The following LPIN2 variants were observed in gnomAD, a reference collection of about 807,000 sequenced individuals.
The protein encoded by LPIN2 is lipin 2, also known as phosphatidate phosphatase LPIN2.
In LPIN2, 55 loss-of-function variants were observed where a neutral mutation model predicts 111.4. The observed-to-expected ratio is 0.49, with a 90% confidence interval of 0.40 to 0.62. The LOEUF is 0.62. LPIN2 is among the 20% of genes least tolerant of loss of function. LPIN2 has a pLI of 0.00. For synonymous variants in LPIN2, 425 were observed against 414.0 expected (o/e 1.03, Z -0.32); for missense variants, 992 against 1,112.1 (o/e 0.89, Z 1.54).
chr18:2,944,332 ACT>A (rs1568548504), intron 4 of LPIN2, among the ~76,000 whole-genome samples: 10 of 106,300 alleles, frequency 9.4e-5, no homozygotes, highest in African/African-American at 1.4e-4. Flanking sequence ...ATTTCCACAA[ACT>A]TTTTTTTTTT....
At chr18:3,005,376 G>GA (rs1204439270) in intron 1 of LPIN2, among the ~76,000 whole-genome samples, 2 of 151,480 alleles carry the variant, frequency 1.3e-5, no homozygotes, top group African/African-American at 2.4e-5. Context: ...AAAAGAAAAA[G>GA]AAAAGAAAAG....
At chr18:2,930,471 C>T (rs910996006) in intron 9 of LPIN2, among the ~76,000 whole-genome samples, 1 of 152,312 alleles carries the variant, frequency 6.6e-6, no homozygotes, top group Non-Finnish European at 1.5e-5. Flanking sequence ...ACTTCAGGAA[C>T]ACATGGTCCT....
At chr18:2,997,037 G>A (rs1356632413) in intron 1 of LPIN2, among the ~76,000 whole-genome samples, 4 of 151,286 alleles carry the variant, frequency 2.6e-5, no homozygotes, top group South Asian at 2.1e-4. Context: ...GCTGGAGTGC[G>A]GTGGCGTGAT....
chr18:2,936,827 A>G (rs762239798), intron 7 of LPIN2, among the ~76,000 whole-genome samples: 2 of 152,234 alleles, frequency 1.3e-5, no homozygotes, highest in Non-Finnish European at 1.5e-5. Flanking sequence ...TGATCTGTCC[A>G]CCTCAGCTTC....
intron 1 of LPIN2, among the ~76,000 whole-genome samples, chr18:2,993,212 GAAGAAGA>G (rs942822770): frequency 6.6e-6 from 1 of 151,220 alleles, no homozygotes; most frequent in Non-Finnish European, 1.5e-5. Flanking sequence ...AAAGAAGAAA[GAAGAAGA>G]AAGAAGAAAG....
At chr18:2,984,945 G>A (rs1051483805) in intron 1 of LPIN2, 1 of 152,626 alleles carries the variant, frequency 6.6e-6, no homozygotes, top group African/African-American at 2.4e-5. Flanking sequence ...GATCCAGCAG[G>A]GCAGAGGTCA....
chr18:2,969,954 G>A (rs530649075), intron 1 of LPIN2, among the ~76,000 whole-genome samples: 2 of 152,102 alleles, frequency 1.3e-5, no homozygotes, highest in Non-Finnish European at 2.9e-5. Context: ...AGAAGTGGAA[G>A]CAATAGATAG....
At chr18:2,921,356 G>A (rs1023431070) in intron 18 of LPIN2, 177 bp downstream of exon 18, 2 of 655,728 alleles carry the variant, frequency 3.1e-6, no homozygotes, top group Non-Finnish European at 5.5e-6. Flanking sequence ...TGCACCTGCA[G>A]GACCTCCCCA....
At chr18:2,956,311 G>GGTGTGTGTGTGTGTGTGTGTGTGTGTGT (rs55844718) in intron 2 of LPIN2, among the ~76,000 whole-genome samples, 1,798 of 143,882 alleles carry the variant, frequency 0.012, 62 homozygotes, top group African/African-American at 0.02. Flanking sequence ...TAGATGCAGG[G>GGTGTGTGTGTGTGTGTGTGTGTGTGTGT]GTGTGTGTGT....
chr18:2,943,458 G>GTT (rs55747910), intron 4 of LPIN2, among the ~76,000 whole-genome samples: 134 of 146,294 alleles, frequency 9.2e-4, no homozygotes, highest in East Asian at 6.1e-3. Flanking sequence ...GTGTGTGTGT[G>GTT]TATAAATCAA....
intron 2 of LPIN2, among the ~76,000 whole-genome samples, chr18:2,957,937 G>A (rs964895041): frequency 3.3e-5 from 5 of 151,502 alleles, no homozygotes; most frequent in Non-Finnish European, 7.4e-5. Context: ...GATTACCTGA[G>A]ATCAGGTAAT....
At chr18:2,953,456 G>T (rs2077566990) in intron 3 of LPIN2, among the ~76,000 whole-genome samples, 1 of 152,070 alleles carries the variant, frequency 6.6e-6, no homozygotes, top group South Asian at 2.1e-4. Context: ...TGCAAACAAG[G>T]TATTACAAAG....
In LPIN2 at chr18:2,954,439, G is replaced by A. The variant is rs1382332886; in HGVS notation, c.288+65C>T. ...ACCATAAAAAACTGCTAAACGGTCC[G>A]TCTGGGCCACGTACCAGAGGCCTGA... is the stretch of plus-strand genomic sequence containing the variant. On this transcript the variant is annotated intron_variant, in intron 3 of 19. Coordinates refer to ENST00000677752, the MANE Select transcript of LPIN2 (RefSeq NM_001375808.2). 67 of 1,143,390 alleles carry A rather than the reference G, an allele frequency of 5.9e-5. 2 individuals are homozygous for A. The highest frequency in any genetic ancestry group is 4.8e-4 in the South Asian group (39 of 81,794). The allele number at this position is 1,143,390 out of a possible 1,614,324, so 70.8% of individuals were successfully genotyped here.
intron 1 of LPIN2, among the ~76,000 whole-genome samples, chr18:2,983,235 C>T (rs1043256695): frequency 2.6e-5 from 4 of 152,172 alleles, no homozygotes; most frequent in Admixed American, 6.5e-5. Context: ...CAGGGAGCTT[C>T]CCAAAGTCAG....
chr18:2,996,823 A>G (rs527890051), intron 1 of LPIN2, among the ~76,000 whole-genome samples: 1 of 152,210 alleles, frequency 6.6e-6, no homozygotes, highest in African/African-American at 2.4e-5. Context: ...CCAGAATAAC[A>G]GACCCACATC....
chr18:2,984,479 C>T (rs1316463714), intron 1 of LPIN2, among the ~76,000 whole-genome samples: 3 of 151,838 alleles, frequency 2.0e-5, no homozygotes, highest in Non-Finnish European at 2.9e-5. Context: ...TGATAAAAAC[C>T]GGATATTGGG....
chr18:2,921,485 C>A, intron 18 of LPIN2, 48 bp downstream of exon 18: 1 of 1,380,974 alleles, frequency 7.2e-7, no homozygotes, highest in Non-Finnish European at 1.0e-6. Context: ...GAAGTACATC[C>A]CTCTGAATTT....
intron 1 of LPIN2, among the ~76,000 whole-genome samples, chr18:3,003,574 G>C (rs8088399): frequency 0.016 from 2,366 of 152,282 alleles, 65 homozygotes; most frequent in African/African-American, 0.053. Flanking sequence ...TGCAGTCTCT[G>C]AACATAAATT....
rs752327253 is a variant in LPIN2 at position 2,924,500 on chromosome 18, A to G, written c.1985T>C (p.Ile662Thr). 9.3e-6 allele frequency: 15 copies of G among 1,614,086 alleles called. No individual in the cohort carries two copies. Among genetic ancestry groups the G allele is most frequent in the Middle Eastern group, 1.6e-4 (1 of 6,084 alleles). The change falls in exon 15 of 20, where the codon ATT (isoleucine) becomes ACT (threonine). Residue 662 changes from isoleucine (I) to threonine (T), a missense_variant. Around this residue, in one of 4 missense-constraint regions of LPIN2, gnomAD observed 709 missense variants for 753.2 expected, o/e 0.94. Coordinates refer to ENST00000677752, the MANE Select transcript of LPIN2 (RefSeq NM_001375808.2). ...ACAGGTGCCTTGATACTGGGTTGTA[A>G]TACTAAACACAACATCATTTGGGCC... ...HDGPNDVVFS[I>T]TTQYQGTCRC...
Sources: gnomAD v4.1 joint callset for allele counts (sites outside exome capture counted in the v4.1 genomes callset) on GRCh38, gnomAD v4.1.1 for gene constraint, gnomAD v4.1.1 regional missense constraint, MANE v1.5 for transcripts, NCBI Gene and HGNC (gene_info 2026-07-23, HGNC 2026-07-21) for gene names.